DAB1: variants seen among roughly 807,000 people sequenced by gnomAD.
DAB1 encodes the protein disabled homolog 1.
Under a neutral mutation model 64.6 loss-of-function variants are expected in DAB1, and 15 were observed. That is an observed-to-expected ratio of 0.23 (90% CI 0.16 to 0.36). DAB1 has a LOEUF of 0.36. DAB1 is among the 10% of genes least tolerant of loss of function. DAB1 has a pLI of 1.00. For missense variants in DAB1, 596 were observed against 706.7 expected (o/e 0.84, Z 1.78); for synonymous variants, 235 against 251.9 (o/e 0.93, Z 0.64).
chr1:57,592,545 T>G (rs1482705324), intron 7 of DAB1, among the ~76,000 whole-genome samples: 2 of 152,050 alleles, frequency 1.3e-5, no homozygotes, highest in Admixed American at 6.6e-5. Flanking sequence ...AGTCTTCAGG[T>G]CATAGACAAT....
intron 3 of DAB1, among the ~76,000 whole-genome samples, chr1:58,356,609 A>G (rs993182688): frequency 1.3e-5 from 2 of 152,146 alleles, no homozygotes; most frequent in Admixed American, 1.3e-4. Flanking sequence ...TAGCTCATAC[A>G]GAGGCCTTGG....
intron 5 of DAB1, among the ~76,000 whole-genome samples, chr1:58,128,515 G>C (rs1653293325): frequency 7.5e-6 from 1 of 133,050 alleles, no homozygotes; most frequent in East Asian, 2.6e-4. Flanking sequence ...TGGTGAGAGA[G>C]GGCATCCCTG....
At chr1:58,163,155 A>T (rs959329095) in intron 4 of DAB1, among the ~76,000 whole-genome samples, 14 of 152,192 alleles carry the variant, frequency 9.2e-5, no homozygotes, top group Non-Finnish European at 1.5e-4. Context: ...GTCTCCCTCT[A>T]GCACCCTCTA....
intron 2 of DAB1, among the ~76,000 whole-genome samples, chr1:57,202,613 C>T (rs896858771): frequency 3.3e-5 from 5 of 152,142 alleles, no homozygotes; most frequent in South Asian, 2.1e-4. Flanking sequence ...CTGTAGGCTT[C>T]GAAAAATAAG....
intron 4 of DAB1, among the ~76,000 whole-genome samples, chr1:58,179,452 A>G (rs1289311582): frequency 6.6e-6 from 1 of 152,090 alleles, no homozygotes; most frequent in South Asian, 2.1e-4. Context: ...TCGCCAGTAA[A>G]GCCATCTAGG....
At chr1:58,281,564 A>C (rs1169072510) in intron 4 of DAB1, among the ~76,000 whole-genome samples, 3 of 151,932 alleles carry the variant, frequency 2.0e-5, no homozygotes, top group African/African-American at 7.2e-5. Context: ...CTCCTGCAGC[A>C]AGAGTGTTTT....
intron 4 of DAB1, among the ~76,000 whole-genome samples, chr1:58,257,381 C>T (rs567847951): frequency 6.8e-4 from 103 of 152,346 alleles, no homozygotes; most frequent in Non-Finnish European, 1.2e-3. Context: ...GCCTAAAATC[C>T]AGCCTGCTCT....
intron 7 of DAB1, among the ~76,000 whole-genome samples, chr1:57,520,987 A>T (rs1348580606): frequency 6.6e-6 from 1 of 152,122 alleles, no homozygotes; most frequent in Non-Finnish European, 1.5e-5. Context: ...AAGAAACCAC[A>T]TTTAGTAGCT....
intron 5 of DAB1, among the ~76,000 whole-genome samples, chr1:58,094,346 T>A (rs1252082285): frequency 1.3e-5 from 2 of 152,198 alleles, no homozygotes; most frequent in Non-Finnish European, 2.9e-5. Flanking sequence ...GTTTTCCTGA[T>A]TGGACCCTGA....
intron 2 of DAB1, among the ~76,000 whole-genome samples, chr1:57,282,127 G>A (rs1321507246): frequency 1.4e-5 from 2 of 143,732 alleles, no homozygotes; most frequent in Non-Finnish European, 3.0e-5. Context: ...ACATTGCAGT[G>A]AGCTGAGATC....
At chr1:58,451,933 T>C (rs1469540129) in intron 3 of DAB1, among the ~76,000 whole-genome samples, 1 of 151,558 alleles carries the variant, frequency 6.6e-6, no homozygotes, top group African/African-American at 2.4e-5. Flanking sequence ...TTTTTTTTTT[T>C]TTTGACGGAG....
chr1:57,288,970 T>C (rs1304531452), intron 2 of DAB1, among the ~76,000 whole-genome samples: 2 of 152,162 alleles, frequency 1.3e-5, no homozygotes, highest in African/African-American at 4.8e-5. Flanking sequence ...GAGGATCAGG[T>C]TAAATACTTT....
At chr1:57,173,808 A>AT (rs36067405) in intron 2 of DAB1, among the ~76,000 whole-genome samples, 31 of 149,800 alleles carry the variant, frequency 2.1e-4, no homozygotes, top group Middle Eastern at 3.4e-3. Context: ...TAGAGAGTAC[A>AT]TTTTTTTTTT....
chr1:57,638,010 G>T (rs1646078937), intron 7 of DAB1, among the ~76,000 whole-genome samples: 1 of 151,858 alleles, frequency 6.6e-6, no homozygotes, highest in South Asian at 2.1e-4. Flanking sequence ...TTTTGGCATG[G>T]GTAAAACCAA....
chr1:58,048,408 C>T, intron 5 of DAB1: 1 of 939,294 alleles, frequency 1.1e-6, no homozygotes, highest in East Asian at 2.4e-5. Context: ...CCAAAGCTAC[C>T]TCCACCTCTA....
chr1:58,402,562 A>G (rs1195659697), intron 3 of DAB1, among the ~76,000 whole-genome samples: 1 of 152,112 alleles, frequency 6.6e-6, no homozygotes, highest in Non-Finnish European at 1.5e-5. Context: ...GTATCTCAAT[A>G]CTTGGAACAG....
intron 2 of DAB1, among the ~76,000 whole-genome samples, chr1:57,222,702 C>T (rs1666972724): frequency 1.3e-5 from 2 of 152,266 alleles, no homozygotes; most frequent in African/African-American, 4.8e-5. Context: ...TATAGACTCA[C>T]ATGGAGAAAA....
At chr1:57,076,900 A>G (rs1191208501) in intron 4 of DAB1, among the ~76,000 whole-genome samples, 1 of 152,242 alleles carries the variant, frequency 6.6e-6, no homozygotes, top group African/African-American at 2.4e-5. Context: ...TTGAGTGCCT[A>G]TTATGTTGCT....
chr1:57,151,937 C>T (rs1022201583), intron 2 of DAB1, among the ~76,000 whole-genome samples: 7 of 151,586 alleles, frequency 4.6e-5, no homozygotes, highest in Admixed American at 2.6e-4. Context: ...CCTCAGCCTC[C>T]TGGGTAGCTG....
Sources: allele counts gnomAD v4.1 joint callset (sites outside exome capture counted in the v4.1 genomes callset), GRCh38; gene constraint gnomAD v4.1.1; transcripts MANE v1.5; gene names NCBI Gene and HGNC (gene_info 2026-07-23, HGNC 2026-07-21).